MYO1D: variants seen among roughly 807,000 people sequenced by gnomAD.
The protein encoded by MYO1D is myosin ID, also known as unconventional myosin-Id.
A neutral mutation model predicts 122.0 loss-of-function variants in MYO1D; 83 were observed. The observed-to-expected ratio is 0.68, with a 90% CI of 0.57 to 0.82. The LOEUF is 0.82. Ranked by LOEUF, MYO1D falls within the 40% of genes least tolerant of loss-of-function variation. MYO1D has a pLI of 0.00. For synonymous variants in MYO1D, 464 were observed against 446.9 expected (o/e 1.04, Z -0.48); for missense variants, 1,157 against 1,269.5 (o/e 0.91, Z 1.35).
intron 21 of MYO1D, among the ~76,000 whole-genome samples, chr17:32,585,560 T>A (rs1301689361): frequency 6.6e-6 from 1 of 151,992 alleles, no homozygotes; most frequent in Non-Finnish European, 1.5e-5. Context: ...TGAAACCTTG[T>A]CTCTCCTAAA....
chr17:32,593,831 G>A (rs1324462822), intron 21 of MYO1D, among the ~76,000 whole-genome samples: 1 of 152,178 alleles, frequency 6.6e-6, no homozygotes, highest in Non-Finnish European at 1.5e-5. Flanking sequence ...CAGCTACCTG[G>A]GAGGCTGAGG....
At chr17:32,590,685 T>C (rs1283074140) in intron 21 of MYO1D, among the ~76,000 whole-genome samples, 2 of 152,208 alleles carry the variant, frequency 1.3e-5, no homozygotes, top group Non-Finnish European at 2.9e-5. Context: ...CTGATTCCAA[T>C]ATAGCTGCTA....
At chr17:32,688,308 T>C (rs1490460875) in intron 16 of MYO1D, among the ~76,000 whole-genome samples, 2 of 152,242 alleles carry the variant, frequency 1.3e-5, no homozygotes, top group Non-Finnish European at 2.9e-5. Flanking sequence ...TTGATCATAA[T>C]AGATATGCCC....
intron 21 of MYO1D, among the ~76,000 whole-genome samples, chr17:32,527,149 G>A (rs1293276833): frequency 1.3e-5 from 2 of 152,152 alleles, no homozygotes; most frequent in Non-Finnish European, 1.5e-5. Context: ...CATGCCTCTC[G>A]GAACTGCAAG....
At chr17:32,494,960 G>A in intron 21 of MYO1D, 45 bp from the exon 22 acceptor site, 1 of 1,553,102 alleles carries the variant, frequency 6.4e-7, no homozygotes, top group Non-Finnish European at 8.7e-7. Context: ...CAGGCAGCAT[G>A]AGAACAGGGC....
chr17:32,767,629 T>A lies in MYO1D; in HGVS notation c.831+7A>T. 1 of 1,558,282 alleles carries A rather than the reference T, an allele frequency of 6.4e-7. No individual in the cohort carries two copies. The highest frequency in any genetic ancestry group is 1.1e-5 in the South Asian group (1 of 89,104). ...GACAATACATTCTGAGAGGTGTCCC[T>A]ACTCACCAAGTGCAGAATAGCAGCC... is the stretch of plus-strand genomic sequence containing the variant. On this transcript the variant is annotated splice_region_variant and intron_variant, in intron 7 of 21. Transcript: ENST00000318217.
intron 21 of MYO1D, among the ~76,000 whole-genome samples, chr17:32,566,653 C>T (rs1486523763): frequency 1.3e-5 from 2 of 151,316 alleles, no homozygotes; most frequent in South Asian, 2.1e-4. Flanking sequence ...TTTTTTGACT[C>T]GTGTCATTGG....
chr17:32,698,249 T>C (rs2089198485), intron 16 of MYO1D, among the ~76,000 whole-genome samples: 1 of 151,910 alleles, frequency 6.6e-6, no homozygotes, highest in Non-Finnish European at 1.5e-5. Context: ...TCTTTTCTCT[T>C]TTCTTTTTCC....
intron 20 of MYO1D, among the ~76,000 whole-genome samples, chr17:32,613,312 A>G (rs1016004726): frequency 6.6e-6 from 1 of 152,136 alleles, no homozygotes; most frequent in Non-Finnish European, 1.5e-5. Flanking sequence ...CTGCTAGCAA[A>G]ACCTGCTGAA....
chr17:32,532,719 G>A (rs1029962672), intron 21 of MYO1D, among the ~76,000 whole-genome samples: 47 of 88,206 alleles, frequency 5.3e-4, no homozygotes, highest in African/African-American at 2.0e-3. Context: ...GTGAGACTCC[G>A]TCTCAAAAAA....
chr17:32,607,559 A>G (rs192492045), intron 20 of MYO1D, among the ~76,000 whole-genome samples: 58 of 152,264 alleles, frequency 3.8e-4, no homozygotes, highest in Non-Finnish European at 1.5e-5. Context: ...GGACTAGAAA[A>G]CCCAAATTCT....
Position 32,818,125 on chromosome 17 carries a change from C to CAAAAAAAA in MYO1D, c.96-37349_96-37342dup, listed in dbSNP as rs58466009. On this transcript the variant is annotated intron_variant, in intron 1 of 21. Transcript: ENST00000318217. ...TGGGCGACAGAGCGAGACTCCGTCT[C>CAAAAAAAA]AAAAAAAAAAAAAAAAAAAAGAGGT... is the stretch of plus-strand genomic sequence containing the variant. Among the ~76,000 whole-genome samples, 211 of 45,980 alleles carry CAAAAAAAA rather than the reference C, an allele frequency of 4.6e-3. 5 individuals carry two copies. The highest frequency in any genetic ancestry group is 0.012 in the African/African-American group (185 of 14,994). 30.2% of individuals were successfully genotyped at this position (45,980 alleles called of 152,430 possible).
At chr17:32,750,217 T>C (rs1284089108) in intron 11 of MYO1D, among the ~76,000 whole-genome samples, 4 of 152,174 alleles carry the variant, frequency 2.6e-5, no homozygotes, top group African/African-American at 9.7e-5. Flanking sequence ...CTTTCTACAA[T>C]CTTCCTTGTT....
At chr17:32,525,482 C>CT (rs922925101) in intron 21 of MYO1D, among the ~76,000 whole-genome samples, 12 of 148,456 alleles carry the variant, frequency 8.1e-5, no homozygotes, top group East Asian at 2.0e-4. Context: ...TAACCAAGAA[C>CT]TTTTTTTTTT....
intron 20 of MYO1D, among the ~76,000 whole-genome samples, chr17:32,608,245 G>A (rs142246362): frequency 6.6e-5 from 10 of 152,246 alleles, no homozygotes; most frequent in African/African-American, 2.4e-4. Context: ...ATCTGATAAA[G>A]GACTTGTATT....
intron 1 of MYO1D, among the ~76,000 whole-genome samples, chr17:32,817,303 C>G (rs796749341): frequency 6.6e-5 from 10 of 152,216 alleles, no homozygotes; most frequent in African/African-American, 2.2e-4. Flanking sequence ...AGACTGAAGA[C>G]TGAAGACTGA....
intron 21 of MYO1D, among the ~76,000 whole-genome samples, chr17:32,533,006 T>C (rs907817504): frequency 6.6e-6 from 1 of 152,194 alleles, no homozygotes; most frequent in African/African-American, 2.4e-5. Context: ...TCATGATGGC[T>C]TTATGACACT....
chr17:32,662,489 G>A (rs1207127710), intron 16 of MYO1D, among the ~76,000 whole-genome samples: 1 of 152,110 alleles, frequency 6.6e-6, no homozygotes, highest in African/African-American at 2.4e-5. Context: ...TGGCCAACAT[G>A]GTGAAACCCC....
At position 32,714,459 on chromosome 17, in the gene MYO1D, C is replaced by CT. The variant is rs2089417619; in HGVS notation, c.1914-2265dup. Among the ~76,000 whole-genome samples, 4 of 152,202 alleles carry CT rather than the reference C, an allele frequency of 2.6e-5. No homozygotes were observed. The South Asian group carries it at 8.3e-4, about 32-fold the overall frequency. ...TGTGTATGTACCACATTTTCTTTAT[C>CT]TAGTCTATCATTTCATTGATGGGCA... On this transcript the variant is annotated intron_variant, in intron 15 of 21. Transcript: ENST00000318217.
Sources: allele counts gnomAD v4.1 joint callset (sites outside exome capture counted in the v4.1 genomes callset), GRCh38; gene constraint gnomAD v4.1.1; transcripts MANE v1.5; gene names NCBI Gene and HGNC (gene_info 2026-07-23, HGNC 2026-07-21).